HOGA1: variants seen among roughly 807,000 people sequenced by gnomAD.
HOGA1 encodes the protein 4-hydroxy-2-oxoglutarate aldolase, mitochondrial.
HOGA1 carries 30 observed loss-of-function variants against 34.3 expected under a neutral mutation model. The observed-to-expected ratio is 0.87, with a 90% CI of 0.65 to 1.19. HOGA1 has a LOEUF of 1.19. Among genes scored for constraint, HOGA1 ranks in the 50% most tolerant of loss-of-function variants. The probability of loss-of-function intolerance (pLI) is 0.00; values close to 1 mark genes in which losing one functional copy is unlikely to be tolerated. For missense variants in HOGA1, 417 were observed against 436.5 expected, an observed-to-expected ratio of 0.96 and a Z score of 0.40; for synonymous variants, 161 against 174.0, an observed-to-expected ratio of 0.93 and a Z score of 0.59.
chr10:97,584,407 CGAAGGAGATACT>C lies in HOGA1; in HGVS notation c.-296_-285del. 2.9e-6 allele frequency: 1 copy of C among 345,598 alleles called. No individual in the cohort carries two copies. Among genetic ancestry groups the C allele is most frequent in the East Asian group, 4.9e-5 (1 of 20,418 alleles). The allele number at this position is 345,598 out of a possible 1,614,324, so 21.4% of individuals were successfully genotyped here. A position where few individuals can be genotyped will look rare whatever the true frequency, so the allele number is the denominator to read the frequency against. On this transcript the variant is annotated 5_prime_UTR_variant, in exon 1 of 7. Coordinates refer to ENST00000370646, the MANE Select transcript of HOGA1 (RefSeq NM_138413.4). ...AGGGCCCAGATCCCACTGGAGATAC[CGAAGGAGATACT>C]CTTTAGTATTGGGATCCCAGAAACC...
chr10:97,606,108 C>A (rs1358153772), intron 6 of HOGA1, among the ~76,000 whole-genome samples: 1 of 146,076 alleles, frequency 6.8e-6, no homozygotes, highest in Non-Finnish European at 1.5e-5. Context: ...GATGGTGAAA[C>A]CCCGTCTCTA....
intron 1 of HOGA1, chr10:97,590,237 G>A (rs2041008449): frequency 1.9e-6 from 3 of 1,613,852 alleles, no homozygotes; most frequent in Middle Eastern, 1.6e-4. Context: ...CCAGGAGTCT[G>A]GAAAAGCCCC....
rs2041207196 is a variant in HOGA1 at position 97,612,681 on chromosome 10, C to T, written c.*1022C>T. ...CATTCTAGAAGACTATTCTGGTCAG[C>T]CTAGGTCTGAAACACTAAGGAGACT... On this transcript the variant is annotated 3_prime_UTR_variant, in exon 7 of 7. Transcript: ENST00000370646. The T allele has an allele frequency of 6.6e-6, 1 of 152,178 alleles. No individual in the cohort carries two copies. Among genetic ancestry groups the T allele is most frequent in the Non-Finnish European group, 1.5e-5 (1 of 68,042 alleles). 9.4% of individuals were successfully genotyped at this position (152,178 alleles called of 1,614,324 possible).
At chr10:97,588,410 C>T (rs1231309301) in intron 1 of HOGA1, among the ~76,000 whole-genome samples, 2 of 151,974 alleles carry the variant, frequency 1.3e-5, no homozygotes, top group South Asian at 4.2e-4. Flanking sequence ...GGGGTTTCAC[C>T]GTGTTAGCCA....
chr10:97,590,089 T>C, intron 1 of HOGA1: 1 of 1,613,608 alleles, frequency 6.2e-7, no homozygotes, highest in East Asian at 2.2e-5. Flanking sequence ...AGACTGAGAG[T>C]GGGAGTGAAG....
chr10:97,591,674 G>C (rs113347727), intron 1 of HOGA1, among the ~76,000 whole-genome samples: 6 of 152,084 alleles, frequency 3.9e-5, no homozygotes, highest in African/African-American at 1.4e-4. Context: ...GCCTAGGCTG[G>C]AGTGCAGAGG....
Position 97,611,999 on chromosome 10 carries a change from C to A in HOGA1, c.*340C>A. 1 of 255,918 alleles carries A rather than the reference C, an allele frequency of 3.9e-6. No homozygotes were observed. Among genetic ancestry groups the A allele is most frequent in the East Asian group, 8.2e-5 (1 of 12,232 alleles). 15.9% of individuals were successfully genotyped at this position (255,918 alleles called of 1,614,324 possible). The stretch of plus-strand genomic sequence containing the variant: ...GGAAGGGCAGAGGGGCAAGTAGGCA[C>A]AGTAAGGGAATTTTCTTTTCTTTTT... On this transcript the variant is annotated 3_prime_UTR_variant, in exon 7 of 7. Transcript: ENST00000370646.
At chr10:97,589,847 T>C (rs374772045) in intron 1 of HOGA1, 155 of 1,419,186 alleles carry the variant, frequency 1.1e-4, no homozygotes, top group Non-Finnish European at 1.4e-4. Flanking sequence ...CCAGCAGCCA[T>C]CATGCAAGGT....
chr10:97,596,949 AC>A (rs1221434270), intron 1 of HOGA1, among the ~76,000 whole-genome samples: 3 of 152,116 alleles, frequency 2.0e-5, no homozygotes, highest in Admixed American at 6.5e-5. Context: ...TTTGGGTTCT[AC>A]ATGTCTGTTA....
chr10:97,606,012 T>A (rs1373757990), intron 6 of HOGA1, among the ~76,000 whole-genome samples: 1 of 151,386 alleles, frequency 6.6e-6, no homozygotes, highest in Non-Finnish European at 1.5e-5. Flanking sequence ...GTTCTGGGCA[T>A]GGTGGCTCAC....
In HOGA1 at chr10:97,611,994, A is replaced by T; in HGVS notation, c.*335A>T. 7.2e-6 allele frequency: 2 copies of T among 276,592 alleles called. No individual in the cohort carries two copies. The highest frequency in any genetic ancestry group is 2.2e-5 in the African/African-American group (1 of 44,942). 17.1% of individuals were successfully genotyped at this position (276,592 alleles called of 1,614,324 possible). A position where few individuals can be genotyped will look rare whatever the true frequency, so the allele number is the denominator to read the frequency against. On this transcript the variant is annotated 3_prime_UTR_variant, in exon 7 of 7. Coordinates refer to ENST00000370646, the MANE Select transcript of HOGA1 (RefSeq NM_138413.4). ...AGAAAGGAAGGGCAGAGGGGCAAGT[A>T]GGCACAGTAAGGGAATTTTCTTTTC...
At chr10:97,592,792 G>A (rs1225382319) in intron 1 of HOGA1, among the ~76,000 whole-genome samples, 2 of 151,732 alleles carry the variant, frequency 1.3e-5, no homozygotes, top group Admixed American at 1.3e-4. Flanking sequence ...ACTTTGGGAG[G>A]CCGAGATGGG....
chr10:97,586,484 G>A (rs539765478), intron 1 of HOGA1, among the ~76,000 whole-genome samples: 1 of 152,348 alleles, frequency 6.6e-6, no homozygotes, highest in African/African-American at 2.4e-5. Context: ...GGAGGGCCAC[G>A]TTGAGCAGGG....
chr10:97,591,953 C>T (rs935441830), intron 1 of HOGA1, among the ~76,000 whole-genome samples: 4 of 151,206 alleles, frequency 2.6e-5, no homozygotes, highest in Admixed American at 2.0e-4. Flanking sequence ...GTTCTCATGC[C>T]TCAGCCTCCC....
At chr10:97,588,203 T>C (rs559351853) in intron 1 of HOGA1, among the ~76,000 whole-genome samples, 12 of 148,942 alleles carry the variant, frequency 8.1e-5, no homozygotes, top group African/African-American at 2.7e-4. Context: ...TTCTTTCTTT[T>C]TTTTTTTTTT....
chr10:97,590,823 T>C (rs928152428), intron 1 of HOGA1: 2 of 569,032 alleles, frequency 3.5e-6, no homozygotes, highest in Non-Finnish European at 6.4e-6. Context: ...GCAGGTGAGA[T>C]AGACCCTGAG....
At chr10:97,601,347 G>A (rs1460918847) in intron 5 of HOGA1, among the ~76,000 whole-genome samples, 3 of 152,150 alleles carry the variant, frequency 2.0e-5, no homozygotes, top group African/African-American at 7.2e-5. Flanking sequence ...GTCTCATTCA[G>A]GTTTATGCAG....
At chr10:97,596,708 C>CAAAAA (rs34186645) in intron 1 of HOGA1, among the ~76,000 whole-genome samples, 1 of 89,350 alleles carries the variant, frequency 1.1e-5, no homozygotes, top group East Asian at 3.1e-4. Context: ...AAATAACTAC[C>CAAAAA]AAAAAAAAAA....
chr10:97,602,521 C>T (rs955995651), intron 6 of HOGA1: 1 of 985,374 alleles, frequency 1.0e-6, no homozygotes, highest in Non-Finnish European at 1.2e-6. Flanking sequence ...AGAGAACGCC[C>T]ATCAAGTTCA....
Sources: gnomAD v4.1 joint callset for allele counts (sites outside exome capture counted in the v4.1 genomes callset) on GRCh38, gnomAD v4.1.1 for gene constraint, MANE v1.5 for transcripts, NCBI Gene and HGNC (gene_info 2026-07-23, HGNC 2026-07-21) for gene names.